LPP: variants seen among roughly 807,000 people sequenced by gnomAD.
LPP encodes lipoma-preferred partner.
LPP carries 38 observed loss-of-function variants against 60.4 expected under a neutral mutation model. That is an observed-to-expected ratio of 0.63 (90% CI 0.49 to 0.83). The LOEUF (loss-of-function observed/expected upper bound fraction) is 0.83. LPP is among the 40% of genes least tolerant of loss of function. LPP has a pLI of 0.00. For synonymous variants in LPP, 328 were observed against 290.8 expected (o/e 1.13, Z -1.30); for missense variants, 902 against 783.6 (o/e 1.15, Z -1.80).
rs145909671 is a variant in LPP at position 188,732,076 on chromosome 3, C to T, written c.1240+23683C>T. ...CCTAATCTTGCGTAGTCTTTCGTTT[C>T]CTGAGAATAGTTAGGTCAGAAGTTA... On this transcript the variant is annotated intron_variant, in intron 8 of 11. Coordinates refer to ENST00000617246, the MANE Select transcript of LPP (RefSeq NM_001375462.1). 5.3e-3 allele frequency among the ~76,000 whole-genome samples: 805 copies of T among 152,254 alleles called. 6 individuals are homozygous for T. Among genetic ancestry groups the T allele is most frequent in the African/African-American group, 0.018 (762 of 41,546 alleles).
Position 188,799,973 on chromosome 3 carries a change from G to A in LPP, c.1410+39691G>A, listed in dbSNP as rs574306821. ...TGTTGTGTATTATAAACCTATATAC[G>A]TGCGTATGTATACACACACAGTAGT... On this transcript the variant is annotated intron_variant, in intron 9 of 11. Coordinates refer to ENST00000617246, the MANE Select transcript of LPP (RefSeq NM_001375462.1). Among the ~76,000 whole-genome samples, 7 of 152,116 alleles carry A rather than the reference G, an allele frequency of 4.6e-5. No homozygotes were observed. In the South Asian group the frequency reaches 1.2e-3, roughly 27 times the overall value.
intron 4 of LPP, among the ~76,000 whole-genome samples, chr3:188,425,703 C>T (rs1025932403): frequency 1.3e-5 from 2 of 152,028 alleles, no homozygotes; most frequent in South Asian, 2.1e-4. Flanking sequence ...CAGAATTTAT[C>T]CATTTCTTCT....
At chr3:188,659,289 G>C (rs747881913) in intron 7 of LPP, among the ~76,000 whole-genome samples, 3 of 152,172 alleles carry the variant, frequency 2.0e-5, no homozygotes, top group Non-Finnish European at 2.9e-5. Flanking sequence ...TCAAAGTCAG[G>C]AGACCTAGAC....
At chr3:188,465,212 A>C (rs1800080294) in intron 4 of LPP, among the ~76,000 whole-genome samples, 1 of 152,110 alleles carries the variant, frequency 6.6e-6, no homozygotes, top group Non-Finnish European at 1.5e-5. Context: ...TAGAAGTGAC[A>C]CCTTGTTGAA....
chr3:188,259,801 G>A (rs949293483), intron 2 of LPP, among the ~76,000 whole-genome samples: 2 of 152,140 alleles, frequency 1.3e-5, no homozygotes, highest in African/African-American at 2.4e-5. Flanking sequence ...CGTAAAATCC[G>A]GTGACCTAGT....
intron 5 of LPP, among the ~76,000 whole-genome samples, chr3:188,509,197 A>G (rs73890537): frequency 0.016 from 2,451 of 152,278 alleles, 60 homozygotes; most frequent in African/African-American, 0.055. Context: ...TAATCCTGTA[A>G]TCCTCTTTTA....
intron 3 of LPP, among the ~76,000 whole-genome samples, chr3:188,370,685 A>G (rs1184682695): frequency 1.3e-5 from 2 of 152,058 alleles, no homozygotes; most frequent in Non-Finnish European, 2.9e-5. Context: ...CATCTGCCCA[A>G]CTGTGTTGGG....
intron 9 of LPP, among the ~76,000 whole-genome samples, chr3:188,861,922 A>T (rs1303470982): frequency 6.6e-6 from 1 of 152,140 alleles, no homozygotes; most frequent in Non-Finnish European, 1.5e-5. Flanking sequence ...CTTTCATTGG[A>T]GTAGCCTAAA....
At chr3:188,346,251 CTTTTTTTTTTTTTTTTT>C (rs1050679907) in intron 3 of LPP, among the ~76,000 whole-genome samples, 1 of 88,344 alleles carries the variant, frequency 1.1e-5, no homozygotes, top group Admixed American at 1.1e-4. Context: ...AGTAGCAAAT[CTTTTTTTTTTTTTTTTT>C]TTTTTTTTTG....
chr3:188,816,168 A>G (rs1437431156), intron 9 of LPP, among the ~76,000 whole-genome samples: 2 of 138,980 alleles, frequency 1.4e-5, no homozygotes, highest in African/African-American at 5.4e-5. Flanking sequence ...TTTATTCTTT[A>G]TCTAAGCCTG....
At chr3:188,779,847 A>G (rs1396896606) in intron 9 of LPP, among the ~76,000 whole-genome samples, 2 of 152,164 alleles carry the variant, frequency 1.3e-5, no homozygotes, top group African/African-American at 4.8e-5. Flanking sequence ...TATTTGAAGA[A>G]AATTCTCAAG....
chr3:188,315,081 T>G (rs1334692472), intron 2 of LPP, among the ~76,000 whole-genome samples: 1 of 152,158 alleles, frequency 6.6e-6, no homozygotes, highest in Admixed American at 6.5e-5. Flanking sequence ...TTTTTACATT[T>G]TTTTTCTGTA....
At chr3:188,720,296 T>C (rs919628896) in intron 8 of LPP, among the ~76,000 whole-genome samples, 2 of 152,158 alleles carry the variant, frequency 1.3e-5, no homozygotes, top group African/African-American at 4.8e-5. Flanking sequence ...GTGTATACTA[T>C]GGGAGATAAT....
chr3:188,574,370 T>C (rs903544925), intron 6 of LPP, among the ~76,000 whole-genome samples: 1 of 152,226 alleles, frequency 6.6e-6, no homozygotes, highest in African/African-American at 2.4e-5. Flanking sequence ...GAACACGCTA[T>C]ATGCTGGCAC....
intron 1 of LPP, among the ~76,000 whole-genome samples, chr3:188,185,555 C>A (rs945718226): frequency 6.6e-6 from 1 of 152,088 alleles, no homozygotes; most frequent in Admixed American, 6.5e-5. Flanking sequence ...CCTCTATATA[C>A]CCCACAGTTT....
At position 188,735,653 on chromosome 3, in the gene LPP, G is replaced by A. The variant is rs146992208; in HGVS notation, c.1241-24460G>A. On this transcript the variant is annotated intron_variant, in intron 8 of 11. Transcript: ENST00000617246. ...CCCACCTCAGCCTCCCAAAGTGCTG[G>A]GATTACAGGCATGAGCCACTGTGCC... 6.9e-3 allele frequency among the ~76,000 whole-genome samples: 1,054 copies of A among 152,166 alleles called. 15 individuals carry two copies. Among genetic ancestry groups the A allele is most frequent in the African/African-American group, 0.021 (881 of 41,524 alleles).
intron 8 of LPP, among the ~76,000 whole-genome samples, chr3:188,741,329 G>A (rs1287844252): frequency 1.3e-5 from 2 of 151,992 alleles, no homozygotes; most frequent in African/African-American, 4.8e-5. Flanking sequence ...TATCTTGGTT[G>A]CTATGGTTTT....
chr3:188,562,668 G>A (rs552611746), intron 6 of LPP, among the ~76,000 whole-genome samples: 5 of 151,942 alleles, frequency 3.3e-5, no homozygotes, highest in African/African-American at 9.7e-5. Flanking sequence ...TCAAGTGCAA[G>A]CTTCCTTTTC....
chr3:188,602,686 G>A (rs1264756305), intron 6 of LPP, among the ~76,000 whole-genome samples: 1 of 147,408 alleles, frequency 6.8e-6, no homozygotes, highest in Admixed American at 6.8e-5. Context: ...TCTCCTGAGT[G>A]ATATAGAAAT....
Sources: gnomAD v4.1 joint callset for allele counts (sites outside exome capture counted in the v4.1 genomes callset) on GRCh38, gnomAD v4.1.1 for gene constraint, MANE v1.5 for transcripts, NCBI Gene and HGNC (gene_info 2026-07-23, HGNC 2026-07-21) for gene names.